LPP: variants seen among roughly 807,000 people sequenced by gnomAD.
LPP encodes LIM domain containing preferred translocation partner in lipoma, also known as lipoma-preferred partner.
In LPP, 38 loss-of-function variants were observed where a neutral mutation model predicts 60.4. The observed-to-expected ratio is 0.63, with a 90% confidence interval of 0.49 to 0.83. The LOEUF (loss-of-function observed/expected upper bound fraction) is 0.83, where lower values mean the gene tolerates loss of function less well. Ranked by LOEUF, LPP falls within the 40% of genes least tolerant of loss-of-function variation. The pLI, the probability that LPP is intolerant of heterozygous loss-of-function variation, is 0.00. For synonymous variants in LPP, 328 were observed against 290.8 expected (o/e 1.13, Z -1.30); for missense variants, 902 against 783.6 (o/e 1.15, Z -1.80).
At chr3:188,737,542 G>C (rs1269549961) in intron 8 of LPP, among the ~76,000 whole-genome samples, 1 of 152,150 alleles carries the variant, frequency 6.6e-6, no homozygotes, top group Non-Finnish European at 1.5e-5. Flanking sequence ...AGAGAGCTAA[G>C]AAACTTCTGA....
intron 8 of LPP, among the ~76,000 whole-genome samples, chr3:188,742,060 A>G (rs754170534): frequency 3.9e-5 from 6 of 152,138 alleles, no homozygotes; most frequent in Non-Finnish European, 5.9e-5. Flanking sequence ...AAAAATGCTC[A>G]ATATATGTAG....
At chr3:188,612,243 T>G (rs1412100869) in intron 7 of LPP, among the ~76,000 whole-genome samples, 5 of 152,190 alleles carry the variant, frequency 3.3e-5, no homozygotes, top group Admixed American at 3.3e-4. Flanking sequence ...CTGTCCTGTC[T>G]GTGCTTTGGG....
chr3:188,441,902 C>T (rs1215506667), intron 4 of LPP, among the ~76,000 whole-genome samples: 2 of 151,864 alleles, frequency 1.3e-5, no homozygotes, highest in Admixed American at 6.6e-5. Flanking sequence ...GGATTACAGG[C>T]GTGAGCCACC....
intron 9 of LPP, among the ~76,000 whole-genome samples, chr3:188,811,999 T>C (rs533660287): frequency 2.6e-4 from 39 of 152,226 alleles, no homozygotes; most frequent in Non-Finnish European, 5.3e-4. Flanking sequence ...TAGAATATTG[T>C]CTTCATCATT....
chr3:188,787,029 C>T (rs1225831372), intron 9 of LPP, among the ~76,000 whole-genome samples: 1 of 152,090 alleles, frequency 6.6e-6, no homozygotes, highest in African/African-American at 2.4e-5. Context: ...TGTATCTTTG[C>T]CATGGTGGCA....
At chr3:188,200,245 ATTTTTTT>A (rs532406589) in intron 1 of LPP, among the ~76,000 whole-genome samples, 1 of 139,832 alleles carries the variant, frequency 7.2e-6, no homozygotes, top group African/African-American at 2.6e-5. Flanking sequence ...GGGTTTAAGA[ATTTTTTT>A]TTTTTTTTTT....
chr3:188,748,319 T>C (rs1262743097), intron 8 of LPP, among the ~76,000 whole-genome samples: 1 of 152,076 alleles, frequency 6.6e-6, no homozygotes, highest in East Asian at 1.9e-4. Context: ...TCAGTAATAC[T>C]TTGAGGTACC....
intron 4 of LPP, among the ~76,000 whole-genome samples, chr3:188,448,365 G>GGTA: frequency 5.1e-4 from 1 of 1,956 alleles, no homozygotes; most frequent in Non-Finnish European, 4.2e-3. Flanking sequence ...ACACATAATA[G>GGTA]ATAATAATAT....
intron 1 of LPP, among the ~76,000 whole-genome samples, chr3:188,202,961 C>T (rs2149102728): frequency 6.6e-6 from 1 of 151,410 alleles, no homozygotes; most frequent in East Asian, 1.9e-4. Context: ...GGGAGCCAGA[C>T]CTCCTGTACC....
chr3:188,721,955 A>G (rs1011231144), intron 8 of LPP, among the ~76,000 whole-genome samples: 25 of 152,156 alleles, frequency 1.6e-4, no homozygotes, highest in African/African-American at 5.3e-4. Context: ...TGCCTCAAAC[A>G]CTTTTCATAT....
At position 188,373,535 on chromosome 3, in the gene LPP, C is replaced by G. The variant is rs553540408; in HGVS notation, c.-10+31816C>G. On this transcript the variant is annotated intron_variant, in intron 3 of 11. Transcript: ENST00000617246. ...GAGAAGTGTCTGTTCATGTCCTTCT[C>G]CCACTTTTTGATGGGGTTGTTTGTT... Among the ~76,000 whole-genome samples the G allele has an allele frequency of 4.2e-3, 643 of 152,214 alleles. 8 individuals carry two copies. The highest frequency in any genetic ancestry group is 0.014 in the African/African-American group (591 of 41,530).
chr3:188,602,164 A>AATATATATATAATATATAT (rs1553939367), intron 6 of LPP, among the ~76,000 whole-genome samples: 3 of 98,924 alleles, frequency 3.0e-5, no homozygotes, highest in African/African-American at 1.1e-4. Context: ...ATATATATAT[A>AATATATATATAATATATAT]ATATATATAT....
chr3:188,375,158 C>G (rs1774607801), intron 3 of LPP, among the ~76,000 whole-genome samples: 1 of 152,120 alleles, frequency 6.6e-6, no homozygotes. Flanking sequence ...GGATATTGGT[C>G]TAAAATTCTC....
At chr3:188,299,950 A>G (rs988747452) in intron 2 of LPP, among the ~76,000 whole-genome samples, 11 of 152,226 alleles carry the variant, frequency 7.2e-5, no homozygotes, top group Admixed American at 3.9e-4. Flanking sequence ...TGCCTATGAA[A>G]GTACTCTGTA....
intron 9 of LPP, among the ~76,000 whole-genome samples, chr3:188,864,318 G>C (rs1766039792): frequency 6.6e-6 from 1 of 152,220 alleles, no homozygotes; most frequent in African/African-American, 2.4e-5. Context: ...TGTGCTGCCA[G>C]AGTGGGATAT....
At chr3:188,228,057 C>T (rs937353227) in intron 2 of LPP, among the ~76,000 whole-genome samples, 2 of 152,230 alleles carry the variant, frequency 1.3e-5, no homozygotes, top group African/African-American at 4.8e-5. Flanking sequence ...TTTAGCCCCC[C>T]TGTCAGAGAC....
intron 11 of LPP, among the ~76,000 whole-genome samples, chr3:188,874,050 G>GT (rs1768881161): frequency 6.6e-6 from 1 of 151,748 alleles, no homozygotes; most frequent in African/African-American, 2.4e-5. Context: ...ACTTCTACAT[G>GT]GGAGCCAAGA....
At chr3:188,664,235 C>G (rs539949410) in intron 7 of LPP, among the ~76,000 whole-genome samples, 33 of 152,214 alleles carry the variant, frequency 2.2e-4, no homozygotes, top group African/African-American at 7.9e-4. Flanking sequence ...AAGTTTTAGT[C>G]TTTTCCTTCA....
chr3:188,521,231 G>A (rs1207585895), intron 5 of LPP, among the ~76,000 whole-genome samples: 1 of 152,148 alleles, frequency 6.6e-6, no homozygotes, highest in African/African-American at 2.4e-5. Context: ...AAATCACACA[G>A]CATTAGACTG....
Sources: gnomAD v4.1 joint callset for allele counts (sites outside exome capture counted in the v4.1 genomes callset) on GRCh38, gnomAD v4.1.1 for gene constraint, MANE v1.5 for transcripts, NCBI Gene and HGNC (gene_info 2026-07-23, HGNC 2026-07-21) for gene names.